The following BBS5 variants were observed in gnomAD, a reference collection of about 807,000 sequenced individuals.
BBS5 encodes the protein Bardet-Biedl syndrome 5, also known as BBSome complex member BBS5.
In BBS5, 39 loss-of-function variants were observed where a neutral mutation model predicts 50.2. The ratio of observed to expected loss-of-function variants is 0.78; its 90% confidence interval spans 0.60 to 1.01. The LOEUF (loss-of-function observed/expected upper bound fraction) is 1.01. Among genes scored for constraint, BBS5 ranks in the 50% least tolerant of loss-of-function variants. The probability of loss-of-function intolerance (pLI) is 0.00; values close to 1 mark genes in which losing one functional copy is unlikely to be tolerated. For missense variants in BBS5, 356 were observed against 401.5 expected (o/e 0.89, Z 0.97); for synonymous variants, 134 against 133.1 (o/e 1.01, Z -0.05).
chr2:169,493,224 T>G, intron 6 of BBS5: 2 of 586,052 alleles, frequency 3.4e-6, no homozygotes, highest in Non-Finnish European at 2.9e-6. Context: ...TCTCCTTAAT[T>G]AATGAATAAA....
chr2:169,485,003 A>T (rs1683464924), intron 2 of BBS5, among the ~76,000 whole-genome samples: 1 of 152,120 alleles, frequency 6.6e-6, no homozygotes. Context: ...AATCCTAGAG[A>T]TTGTAGGAGA....
At chr2:169,490,023 C>T (rs1683564329) in intron 5 of BBS5, among the ~76,000 whole-genome samples, 1 of 149,470 alleles carries the variant, frequency 6.7e-6, no homozygotes, top group East Asian at 2.0e-4. Flanking sequence ...CTACAGGTGC[C>T]CACCACCACG....
Position 169,482,248 on chromosome 2 carries a change from T to A in BBS5, c.60-3T>A, listed in dbSNP as rs201553380. 1 of 1,596,118 alleles carries A rather than the reference T, an allele frequency of 6.3e-7. No individual in the cohort carries two copies. The stretch of plus-strand genomic sequence containing the variant: ...AAAATTCAAACCTTTATATTCACTT[T>A]AGGCAAATGAAAACAAGACCTGGAG... On this transcript the variant is annotated splice_polypyrimidine_tract_variant and splice_region_variant and intron_variant, in intron 1 of 11. Transcript: ENST00000295240.
At chr2:169,489,018 G>T (rs1683536512) in intron 5 of BBS5, among the ~76,000 whole-genome samples, 1 of 151,928 alleles carries the variant, frequency 6.6e-6, no homozygotes. Context: ...TAGAGGTAGG[G>T]TCCTGCTTTG....
At chr2:169,482,152 T>C (rs1683407893) in intron 1 of BBS5, 99 bp from the exon 2 acceptor site, 1 of 794,032 alleles carries the variant, frequency 1.3e-6, no homozygotes, top group Admixed American at 1.8e-5. Context: ...TTATTTATGC[T>C]GTTAGCTGTT....
At chr2:169,499,689 A>G (rs1683764241) in intron 9 of BBS5, 69 bp downstream of exon 9, 29 of 1,424,272 alleles carry the variant, frequency 2.0e-5, no homozygotes, top group Non-Finnish European at 2.9e-5. Flanking sequence ...AGATGTAGAT[A>G]CCACTGTGCA....
Position 169,497,631 on chromosome 2 carries a change from C to G in BBS5, c.623C>G (p.Ser208Ter), listed in dbSNP as rs1394284740. 2.5e-6 allele frequency: 4 copies of G among 1,580,262 alleles called. No homozygotes were observed. The highest frequency in any genetic ancestry group is 2.2e-5 in the East Asian group (1 of 44,546). ...NVSIPYLQIR[S>*]IKIRDSKFGL... ...TCTTTTTCATTTTGTATCTAGCGTT[C>G]AATAAAGATTAGAGATTCAAAATTT... The change falls in exon 8 of 12, where the codon TCA becomes TGA. Residue 208 changes from serine (S) to a stop codon, truncating the protein, a stop_gained. Coordinates refer to ENST00000295240, the MANE Select transcript of BBS5 (RefSeq NM_152384.3). LOFTEE classifies it high-confidence loss of function.
At chr2:169,498,217 G>C (rs1418677556) in intron 8 of BBS5, among the ~76,000 whole-genome samples, 2 of 152,294 alleles carry the variant, frequency 1.3e-5, no homozygotes, top group East Asian at 1.9e-4. Context: ...ATTATAACCT[G>C]TTATGCTCCA....
At position 169,482,278 on chromosome 2, in the gene BBS5, C is replaced by A. The variant is rs770767607; in HGVS notation, c.87C>A (p.Val29=). ...AQQMKTRPGE[V]LIDCLDSIED... ...AAATGAAAACAAGACCTGGAGAAGT[C>A]CTTATTGATTGTTTAGATTCCATTG... The change falls in exon 2 of 12, where the codon GTC becomes GTA. Residue 29 remains valine (V), a synonymous_variant. Coordinates refer to ENST00000295240, the MANE Select transcript of BBS5 (RefSeq NM_152384.3). The A allele has an allele frequency of 6.2e-7, 1 of 1,610,462 alleles. No individual in the cohort carries two copies. Among genetic ancestry groups the A allele is most frequent in the South Asian group, 1.1e-5 (1 of 90,990 alleles).
chr2:169,500,504 C>T (rs746516910), intron 9 of BBS5, among the ~76,000 whole-genome samples: 62 of 152,190 alleles, frequency 4.1e-4, no homozygotes, highest in Non-Finnish European at 8.1e-4. Flanking sequence ...CCCTTGCTGT[C>T]TGTTCTTTTA....
At chr2:169,494,077 T>C (rs1574340088) in intron 7 of BBS5, among the ~76,000 whole-genome samples, 1 of 152,196 alleles carries the variant, frequency 6.6e-6, no homozygotes, top group Non-Finnish European at 1.5e-5. Context: ...AAGAGAAATA[T>C]ACTGGATTCT....
chr2:169,497,297 G>A (rs1683710019), intron 7 of BBS5, among the ~76,000 whole-genome samples: 2 of 152,166 alleles, frequency 1.3e-5, no homozygotes, highest in Admixed American at 1.3e-4. Context: ...AGTCTGGTCT[G>A]GGTGGCTGAA....
At chr2:169,486,934 AT>A in intron 2 of BBS5, 134 bp from the exon 3 acceptor site, 2 of 730,050 alleles carry the variant, frequency 2.7e-6, no homozygotes, top group Non-Finnish European at 5.0e-6. Flanking sequence ...TATGCACAAT[AT>A]TTTCAGTTAA....
At chr2:169,488,481 T>C (rs1391661751) in intron 5 of BBS5, among the ~76,000 whole-genome samples, 1 of 152,250 alleles carries the variant, frequency 6.6e-6, no homozygotes, top group Non-Finnish European at 1.5e-5. Context: ...TTTGCATTCC[T>C]ATGAAAATCT....
intron 7 of BBS5, among the ~76,000 whole-genome samples, chr2:169,494,857 A>C (rs573677359): frequency 1.2e-4 from 18 of 152,332 alleles, no homozygotes; most frequent in Non-Finnish European, 2.4e-4. Flanking sequence ...AGTTTTATTA[A>C]TATTTATTGA....
At chr2:169,495,796 C>T (rs1175324932) in intron 7 of BBS5, among the ~76,000 whole-genome samples, 1 of 152,212 alleles carries the variant, frequency 6.6e-6, no homozygotes, top group Non-Finnish European at 1.5e-5. Context: ...GCTGGGACCA[C>T]AGGCGTGCAC....
At chr2:169,501,107 G>T (rs1010028635) in intron 9 of BBS5, among the ~76,000 whole-genome samples, 2 of 152,174 alleles carry the variant, frequency 1.3e-5, no homozygotes, top group Admixed American at 1.3e-4. Context: ...CCAGGACTTG[G>T]ATGAGCATCT....
chr2:169,492,488 CAAA>C (rs111566391), intron 5 of BBS5, among the ~76,000 whole-genome samples: 8 of 95,314 alleles, frequency 8.4e-5, no homozygotes, highest in South Asian at 3.4e-4. Flanking sequence ...GACTCCATCT[CAAA>C]AAAAAAAAAA....
Position 169,505,365 on chromosome 2 carries a change from CCCGGCCG to C in BBS5, c.*786_*792del, listed in dbSNP as rs1239185161. On this transcript the variant is annotated 3_prime_UTR_variant, in exon 12 of 12. Coordinates refer to ENST00000295240, the MANE Select transcript of BBS5 (RefSeq NM_152384.3). ...CGAAGTGCCAAGAGTGCAGCCTCTG[CCCGGCCG>C]CCACCCCGTCTGGGAAGTGAGGAGC... 1 of 353,720 alleles carries C rather than the reference CCCGGCCG, an allele frequency of 2.8e-6. No individual in the cohort carries two copies. Among genetic ancestry groups the C allele is most frequent in the African/African-American group, 2.2e-5 (1 of 46,278 alleles). 21.9% of individuals were successfully genotyped at this position (353,720 alleles called of 1,614,324 possible). A position where few individuals can be genotyped will look rare whatever the true frequency, so the allele number is the denominator to read the frequency against.
Sources: gnomAD v4.1 joint callset for allele counts (sites outside exome capture counted in the v4.1 genomes callset) on GRCh38, gnomAD v4.1.1 for gene constraint, MANE v1.5 for transcripts, NCBI Gene and HGNC (gene_info 2026-07-23, HGNC 2026-07-21) for gene names.